Variants in SLC6A11 observed in about 807,000 individuals in gnomAD.
SLC6A11 encodes sodium- and chloride-dependent GABA transporter 3.
Under a neutral mutation model 74.8 loss-of-function variants are expected in SLC6A11, and 25 were observed. That is an observed-to-expected ratio of 0.33 (90% CI 0.24 to 0.47). SLC6A11 has a LOEUF of 0.47. SLC6A11 is among the 20% of genes least tolerant of loss of function. SLC6A11 has a pLI of 1.00. For synonymous variants in SLC6A11, 330 were observed against 330.2 expected, an observed-to-expected ratio of 1.00 and a Z score of 0.01; for missense variants, 574 against 837.0, an observed-to-expected ratio of 0.69 and a Z score of 3.88.
intron 3 of SLC6A11, among the ~76,000 whole-genome samples, chr3:10,822,194 T>C (rs1227202821): frequency 1.3e-5 from 2 of 152,194 alleles, no homozygotes; most frequent in Admixed American, 6.5e-5. Context: ...TTCATACATA[T>C]GTGAGATGGA....
At chr3:10,902,394 T>C (rs1360472836) in intron 6 of SLC6A11, among the ~76,000 whole-genome samples, 1 of 152,244 alleles carries the variant, frequency 6.6e-6, no homozygotes, top group Non-Finnish European at 1.5e-5. Flanking sequence ...ATTTGGTGCT[T>C]CTCAGAAATC....
chr3:10,913,886 G>A (rs918742807), intron 7 of SLC6A11, among the ~76,000 whole-genome samples: 12 of 152,094 alleles, frequency 7.9e-5, no homozygotes, highest in Non-Finnish European at 1.5e-4. Context: ...GTAGAGACGG[G>A]GTTTCACCGT....
Position 10,844,218 on chromosome 3 carries a change from C to T in SLC6A11, c.628C>T (p.Arg210Trp), listed in dbSNP as rs1472160006. ...TSPVMEFWEH[R>W]VLAISDGIEH... ...TCTCCACCCTCCCTTCTGCAGGCAC[C>T]GGGTCCTGGCCATCTCTGACGGGAT... is the stretch of plus-strand genomic sequence containing the variant. The change falls in exon 5 of 14, where the codon CGG becomes TGG. Residue 210 changes from arginine to tryptophan, a missense_variant. Coordinates refer to ENST00000254488, the MANE Select transcript of SLC6A11 (RefSeq NM_014229.3). 3 of 1,614,172 alleles carry T rather than the reference C, an allele frequency of 1.9e-6. No individual in the cohort carries two copies. Among genetic ancestry groups the T allele is most frequent in the Non-Finnish European group, 2.5e-6 (3 of 1,180,014 alleles).
At chr3:10,831,738 A>G (rs564267084) in intron 4 of SLC6A11, among the ~76,000 whole-genome samples, 1 of 152,358 alleles carries the variant, frequency 6.6e-6, no homozygotes, top group Non-Finnish European at 1.5e-5. Context: ...GGGTTAGTGA[A>G]TAAGCTGTTA....
At chr3:10,890,870 A>T (rs1465142201) in intron 6 of SLC6A11, among the ~76,000 whole-genome samples, 3 of 152,210 alleles carry the variant, frequency 2.0e-5, no homozygotes, top group Admixed American at 2.0e-4. Flanking sequence ...TTAGCTGGGT[A>T]TGGAATTGTA....
At chr3:10,882,999 C>T (rs1695000791) in intron 6 of SLC6A11, among the ~76,000 whole-genome samples, 1 of 152,172 alleles carries the variant, frequency 6.6e-6, no homozygotes, top group South Asian at 2.1e-4. Context: ...ATTTTTGCCT[C>T]CACCTTGCCA....
intron 6 of SLC6A11, among the ~76,000 whole-genome samples, chr3:10,881,629 G>A (rs1257870489): frequency 2.6e-5 from 4 of 152,214 alleles, no homozygotes; most frequent in Non-Finnish European, 4.4e-5. Context: ...CGTGGGGATG[G>A]CATGTTATCA....
chr3:10,857,449 G>A (rs1435072998), intron 5 of SLC6A11, among the ~76,000 whole-genome samples: 1 of 152,154 alleles, frequency 6.6e-6, no homozygotes, highest in Non-Finnish European at 1.5e-5. Flanking sequence ...GGCACCAACA[G>A]GCCTCACATT....
At chr3:10,901,784 G>A (rs928725338) in intron 6 of SLC6A11, among the ~76,000 whole-genome samples, 5 of 152,318 alleles carry the variant, frequency 3.3e-5, no homozygotes, top group African/African-American at 7.2e-5. Flanking sequence ...GGCATTAGCC[G>A]AAAGAAGGAG....
chr3:10,929,624 A>G (rs1695657753), intron 10 of SLC6A11, among the ~76,000 whole-genome samples: 2 of 152,204 alleles, frequency 1.3e-5, no homozygotes, highest in South Asian at 4.1e-4. Context: ...TGGTGAGCAC[A>G]TGGACTCCTG....
intron 6 of SLC6A11, among the ~76,000 whole-genome samples, chr3:10,881,722 C>A (rs1694984186): frequency 6.6e-6 from 1 of 152,178 alleles, no homozygotes; most frequent in African/African-American, 2.4e-5. Flanking sequence ...TGCAGGTCAG[C>A]AGGTAGAGGA....
chr3:10,875,205 G>GAGTCCACAGGCTTTCCA, intron 6 of SLC6A11, 110 bp downstream of exon 6: 1 of 864,604 alleles, frequency 1.2e-6, no homozygotes, highest in Non-Finnish European at 1.6e-6. Context: ...ACAGTGGAAA[G>GAGTCCACAGGCTTTCCA]CCTGTGGACT....
In SLC6A11 at chr3:10,938,417, T is replaced by A. The variant is rs1458288498; in HGVS notation, c.*15T>A. 1 of 1,575,554 alleles carries A rather than the reference T, an allele frequency of 6.3e-7. No homozygotes were observed. Among genetic ancestry groups the A allele is most frequent in the Non-Finnish European group, 8.7e-7 (1 of 1,153,672 alleles). ...CGCACTTCTGAGCGGCCACCAGCCA[T>A]CTGGGGCTCTTCTTCCTTTCTTCCC... On this transcript the variant is annotated 3_prime_UTR_variant, in exon 14 of 14. Coordinates refer to ENST00000254488, the MANE Select transcript of SLC6A11 (RefSeq NM_014229.3).
chr3:10,871,760 T>C (rs1312496638), intron 5 of SLC6A11, among the ~76,000 whole-genome samples: 1 of 150,482 alleles, frequency 6.6e-6, no homozygotes, highest in Non-Finnish European at 1.5e-5. Context: ...GCACCTTTTC[T>C]GGATTACATT....
intron 6 of SLC6A11, among the ~76,000 whole-genome samples, chr3:10,877,379 C>T (rs1406231940): frequency 1.3e-5 from 2 of 152,188 alleles, no homozygotes; most frequent in Non-Finnish European, 1.5e-5. Context: ...GGAATCCATG[C>T]ACAGGCTTCT....
intron 10 of SLC6A11, among the ~76,000 whole-genome samples, chr3:10,932,292 A>G (rs1371891714): frequency 2.6e-5 from 4 of 152,050 alleles, no homozygotes; most frequent in Non-Finnish European, 5.9e-5. Flanking sequence ...TCTTCATCCC[A>G]TGAAGATGGA....
At chr3:10,817,916 A>C (rs1022831888) in intron 1 of SLC6A11, among the ~76,000 whole-genome samples, 1 of 152,192 alleles carries the variant, frequency 6.6e-6, no homozygotes, top group African/African-American at 2.4e-5. Flanking sequence ...AGCTGCGTCC[A>C]CTTGGAAACC....
intron 6 of SLC6A11, among the ~76,000 whole-genome samples, chr3:10,889,559 G>C (rs571351931): frequency 6.6e-6 from 1 of 152,262 alleles, no homozygotes; most frequent in African/African-American, 2.4e-5. Context: ...CCTTTTCAGA[G>C]GAGCTTCTGT....
intron 6 of SLC6A11, among the ~76,000 whole-genome samples, chr3:10,891,574 A>C (rs962446680): frequency 2.0e-5 from 3 of 152,176 alleles, no homozygotes; most frequent in Non-Finnish European, 2.9e-5. Flanking sequence ...TTGGCAAAGA[A>C]CTCCATAAAG....
Sources: gnomAD v4.1 joint callset for allele counts (sites outside exome capture counted in the v4.1 genomes callset) on GRCh38, gnomAD v4.1.1 for gene constraint, MANE v1.5 for transcripts, NCBI Gene and HGNC (gene_info 2026-07-23, HGNC 2026-07-21) for gene names.